Variants in TRIP12 observed in about 807,000 individuals in gnomAD.
TRIP12 encodes the protein E3 ubiquitin-protein ligase TRIP12.
In TRIP12, 25 loss-of-function variants were observed where a neutral mutation model predicts 244.2. The observed-to-expected ratio is 0.10, with a 90% CI of 0.07 to 0.14. TRIP12 has a LOEUF of 0.14. Among genes scored for constraint, TRIP12 ranks in the 10% least tolerant of loss-of-function variants. The pLI is 1.00. For missense variants in TRIP12, 1,677 were observed against 2,486.4 expected (o/e 0.67, Z 6.92); for synonymous variants, 905 against 873.1 (o/e 1.04, Z -0.64).
intron 4 of TRIP12, among the ~76,000 whole-genome samples, chr2:229,854,130 G>A (rs946422125): frequency 8.6e-5 from 13 of 151,990 alleles, no homozygotes; most frequent in African/African-American, 2.4e-4. Context: ...CTGGGCTTTC[G>A]GTATTAGCCA....
chr2:229,806,319 T>C (rs2045866937), intron 17 of TRIP12, among the ~76,000 whole-genome samples: 1 of 152,084 alleles, frequency 6.6e-6, no homozygotes. Flanking sequence ...TTAAACAAAA[T>C]GATCCTATAA....
intron 1 of TRIP12, among the ~76,000 whole-genome samples, chr2:229,893,015 T>G (rs1367670432): frequency 2.0e-5 from 3 of 152,204 alleles, no homozygotes; most frequent in African/African-American, 7.2e-5. Flanking sequence ...TTCCTGAACT[T>G]TCCATTTTGA....
chr2:229,794,260 C>T (rs886416657), intron 26 of TRIP12, among the ~76,000 whole-genome samples: 2 of 152,086 alleles, frequency 1.3e-5, no homozygotes, highest in Non-Finnish European at 2.9e-5. Context: ...GTTTTTAAAA[C>T]GTCAAAATGT....
At chr2:229,856,772 G>A (rs1380135356) in intron 4 of TRIP12, among the ~76,000 whole-genome samples, 3 of 152,202 alleles carry the variant, frequency 2.0e-5, no homozygotes, top group African/African-American at 4.8e-5. Flanking sequence ...GCATTGGAAG[G>A]ACAAATAGTT....
At chr2:229,829,758 G>A (rs1432515288) in intron 7 of TRIP12, among the ~76,000 whole-genome samples, 2 of 152,174 alleles carry the variant, frequency 1.3e-5, no homozygotes, top group Non-Finnish European at 2.9e-5. Context: ...AGACCAGCCT[G>A]GCCAACATGA....
chr2:229,774,951 T>C (rs2035757845), intron 37 of TRIP12, among the ~76,000 whole-genome samples: 2 of 152,164 alleles, frequency 1.3e-5, no homozygotes, highest in African/African-American at 2.4e-5. Flanking sequence ...GAAAGGCCCA[T>C]GTAAATTTTT....
chr2:229,906,315 AAAAG>A (rs1306435402), intron 1 of TRIP12, among the ~76,000 whole-genome samples: 7 of 151,460 alleles, frequency 4.6e-5, no homozygotes, highest in African/African-American at 4.9e-5. Context: ...AAAAAAAAAA[AAAAG>A]AAAAGAAAAG....
chr2:229,860,272 TC>T, intron 3 of TRIP12, 133 bp downstream of exon 3: 1 of 1,122,944 alleles, frequency 8.9e-7, no homozygotes, highest in Non-Finnish European at 1.2e-6. Context: ...AAACTGTCAA[TC>T]CTAAAAGTTA....
At chr2:229,919,774 C>T (rs577774300) in intron 1 of TRIP12, among the ~76,000 whole-genome samples, 5 of 152,220 alleles carry the variant, frequency 3.3e-5, no homozygotes, top group African/African-American at 1.2e-4. Flanking sequence ...TGGATATTGG[C>T]ACATTCATAG....
intron 3 of TRIP12, 49 bp downstream of exon 3, chr2:229,860,357 A>G: frequency 6.4e-7 from 1 of 1,569,322 alleles, no homozygotes; most frequent in Non-Finnish European, 8.7e-7. Flanking sequence ...CAATGATTTG[A>G]ATGCAAATAA....
intron 40 of TRIP12, 79 bp from the exon 41 acceptor site, chr2:229,768,798 AC>A: frequency 7.7e-7 from 1 of 1,301,330 alleles, no homozygotes; most frequent in Non-Finnish European, 1.0e-6. Flanking sequence ...GCATCACATG[AC>A]ATAAAAATTA....
intron 1 of TRIP12, among the ~76,000 whole-genome samples, chr2:229,892,023 A>G (rs995208492): frequency 6.6e-6 from 1 of 152,254 alleles, no homozygotes; most frequent in Non-Finnish European, 1.5e-5. Flanking sequence ...TGACATTCAT[A>G]GACAGAACAT....
chr2:229,834,375 T>G (rs373865592), intron 6 of TRIP12, among the ~76,000 whole-genome samples: 5 of 152,172 alleles, frequency 3.3e-5, no homozygotes, highest in African/African-American at 1.2e-4. Context: ...TAAAGAAAAA[T>G]AGTTCATTCC....
intron 4 of TRIP12, among the ~76,000 whole-genome samples, chr2:229,841,438 A>G (rs964927919): frequency 6.6e-6 from 1 of 152,212 alleles, no homozygotes; most frequent in African/African-American, 2.4e-5. Flanking sequence ...AGACTGATTT[A>G]TAAAATACTG....
At chr2:229,886,304 T>C (rs2065996343) in intron 1 of TRIP12, among the ~76,000 whole-genome samples, 1 of 152,108 alleles carries the variant, frequency 6.6e-6, no homozygotes, top group African/African-American at 2.4e-5. Context: ...TGCCTTTTTT[T>C]CCAGTTAATC....
intron 2 of TRIP12, among the ~76,000 whole-genome samples, chr2:229,877,205 ACT>A (rs1312167030): frequency 6.6e-6 from 1 of 151,492 alleles, no homozygotes; most frequent in African/African-American, 2.4e-5. Flanking sequence ...ATAGAGTTAG[ACT>A]CTGTCTCTAA....
intron 9 of TRIP12, among the ~76,000 whole-genome samples, chr2:229,818,111 C>T (rs963279255): frequency 6.6e-6 from 1 of 152,068 alleles, no homozygotes; most frequent in African/African-American, 2.4e-5. Context: ...AGGTGAACAA[C>T]TTAAAACCAG....
intron 1 of TRIP12, among the ~76,000 whole-genome samples, chr2:229,890,237 A>G (rs566554985): frequency 4.0e-5 from 6 of 151,764 alleles, no homozygotes. Flanking sequence ...GCACCACCAC[A>G]CCCAGCTAAT....
chr2:229,814,204 A>T (rs1222079612), intron 12 of TRIP12, 29 bp downstream of exon 12: 1 of 1,605,744 alleles, frequency 6.2e-7, no homozygotes, highest in East Asian at 2.2e-5. Flanking sequence ...ATAAAGTGAA[A>T]TGTAGTCCCC....
Sources: gnomAD v4.1 joint callset for allele counts (sites outside exome capture counted in the v4.1 genomes callset) on GRCh38, gnomAD v4.1.1 for gene constraint, MANE v1.5 for transcripts, NCBI Gene and HGNC (gene_info 2026-07-23, HGNC 2026-07-21) for gene names.